The following SORCS2 variants were observed in gnomAD, a reference collection of about 807,000 sequenced individuals.
The protein encoded by SORCS2 is sortilin related VPS10 domain containing receptor 2, also known as VPS10 domain-containing receptor SorCS2.
In SORCS2, 100 loss-of-function variants were observed where a neutral mutation model predicts 141.6. The ratio of observed to expected loss-of-function variants is 0.71; its 90% CI spans 0.60 to 0.83. The LOEUF is 0.83. Ranked by LOEUF, SORCS2 falls within the 40% of genes least tolerant of loss-of-function variation. SORCS2 has a pLI of 0.00. For missense variants in SORCS2, 1,646 were observed against 1,560.2 expected (o/e 1.05, Z -0.93); for synonymous variants, 789 against 676.9 (o/e 1.17, Z -2.57).
intron 1 of SORCS2, among the ~76,000 whole-genome samples, chr4:7,363,086 C>G (rs574210169): frequency 1.6e-4 from 24 of 149,910 alleles, no homozygotes; most frequent in Non-Finnish European, 2.4e-4. Flanking sequence ...TCATCATCAT[C>G]ATCACCATCA....
At chr4:7,643,908 C>A (rs1217097450) in intron 4 of SORCS2, among the ~76,000 whole-genome samples, 1 of 152,140 alleles carries the variant, frequency 6.6e-6, no homozygotes, top group Non-Finnish European at 1.5e-5. Flanking sequence ...GACTTGAGAA[C>A]AGGGAAAAGA....
chr4:7,427,182 G>A (rs1726502703), intron 2 of SORCS2, among the ~76,000 whole-genome samples: 1 of 152,076 alleles, frequency 6.6e-6, no homozygotes, highest in Non-Finnish European at 1.5e-5. Context: ...ATCCATTGTG[G>A]GCACATGGAG....
chr4:7,525,380 A>G (rs1271942652), intron 2 of SORCS2, among the ~76,000 whole-genome samples: 1 of 152,102 alleles, frequency 6.6e-6, no homozygotes, highest in Non-Finnish European at 1.5e-5. Flanking sequence ...TGATGCCTCA[A>G]AGAAGAAAAC....
At chr4:7,308,647 A>G (rs1427561667) in intron 1 of SORCS2, among the ~76,000 whole-genome samples, 1 of 151,872 alleles carries the variant, frequency 6.6e-6, no homozygotes, top group Non-Finnish European at 1.5e-5. Flanking sequence ...CCCACTGGCC[A>G]CCCACAGCTC....
intron 1 of SORCS2, among the ~76,000 whole-genome samples, chr4:7,374,215 C>T (rs1447187333): frequency 6.8e-6 from 1 of 146,466 alleles, no homozygotes; most frequent in East Asian, 2.0e-4. Context: ...GAGAGACGTT[C>T]AATTGATCAG....
At position 7,192,841 on chromosome 4, in the gene SORCS2, C is replaced by A; in HGVS notation, c.195C>A (p.Thr65=). The A allele has an allele frequency of 9.6e-7, 1 of 1,043,836 alleles. No homozygotes were observed. 64.7% of individuals were successfully genotyped at this position (1,043,836 alleles called of 1,614,324 possible). Residue 65 remains threonine (T), a synonymous_variant, in exon 1 of 27, where the codon ACC becomes ACA. Coordinates refer to ENST00000507866, the MANE Select transcript of SORCS2 (RefSeq NM_020777.3). This position sits in a 1 kb window ranked among gnomAD's most constrained non-coding sequence, Gnocchi z 4.0. ...PGRLGPHAQL[T]RVPRSPPAGR... is the part of the protein sequence containing the mutation. The stretch of plus-strand genomic sequence containing the variant: ...GCCTGGGTCCTCACGCCCAACTGAC[C>A]CGGGTGCCGCGGAGCCCTCCCGCGG...
intron 1 of SORCS2, among the ~76,000 whole-genome samples, chr4:7,383,843 A>C (rs1256544220): frequency 1.3e-5 from 2 of 152,232 alleles, no homozygotes; most frequent in Non-Finnish European, 2.9e-5. Context: ...GGTTATGAGA[A>C]ATGGAGAGTA....
chr4:7,258,148 A>AT (rs1194902657), intron 1 of SORCS2, among the ~76,000 whole-genome samples: 2 of 152,150 alleles, frequency 1.3e-5, no homozygotes, highest in African/African-American at 4.8e-5. Context: ...TTTTTAAAAA[A>AT]ATTTTTTTTT....
chr4:7,397,326 G>T (rs1577498264), intron 2 of SORCS2, among the ~76,000 whole-genome samples: 3 of 152,116 alleles, frequency 2.0e-5, no homozygotes, highest in Non-Finnish European at 4.4e-5. Context: ...GTGGTAGAAG[G>T]AATGGCATCA....
At chr4:7,299,110 G>A (rs1231669949) in intron 1 of SORCS2, among the ~76,000 whole-genome samples, 1 of 152,248 alleles carries the variant, frequency 6.6e-6, no homozygotes, top group African/African-American at 2.4e-5. Flanking sequence ...GAGACAGGCT[G>A]GGGGAGGAAA....
intron 2 of SORCS2, among the ~76,000 whole-genome samples, chr4:7,422,390 G>A (rs1188003226): frequency 6.6e-6 from 1 of 152,188 alleles, no homozygotes; most frequent in Non-Finnish European, 1.5e-5. Context: ...GCCTGGGCAG[G>A]CCCCTCCCGT....
At chr4:7,203,647 A>T (rs1027365159) in intron 1 of SORCS2, among the ~76,000 whole-genome samples, 1 of 152,252 alleles carries the variant, frequency 6.6e-6, no homozygotes, top group Non-Finnish European at 1.5e-5. Context: ...TACTATTTTT[A>T]AAATTGTGGT....
At chr4:7,721,704 C>G (rs1726599153) in intron 18 of SORCS2, among the ~76,000 whole-genome samples, 1 of 152,088 alleles carries the variant, frequency 6.6e-6, no homozygotes, top group Non-Finnish European at 1.5e-5. Flanking sequence ...CAAAGGGCAC[C>G]CGGTGGGGTC....
At chr4:7,265,526 G>A (rs528880238) in intron 1 of SORCS2, among the ~76,000 whole-genome samples, 13 of 152,032 alleles carry the variant, frequency 8.6e-5, no homozygotes, top group East Asian at 5.8e-4. Flanking sequence ...GGCAGGGCTC[G>A]TTCCCCATGA....
chr4:7,504,217 C>A (rs569801222), intron 2 of SORCS2, among the ~76,000 whole-genome samples: 2 of 152,360 alleles, frequency 1.3e-5, no homozygotes, highest in East Asian at 3.9e-4. Flanking sequence ...AAGCCCTTTT[C>A]TCCTGTGCGT....
intron 2 of SORCS2, chr4:7,433,890 G>A: frequency 6.2e-7 from 1 of 1,613,930 alleles, no homozygotes; most frequent in Non-Finnish European, 8.5e-7. Flanking sequence ...TCGTGATAGA[G>A]GCAGGCATTA....
At chr4:7,328,400 G>A (rs1311583296) in intron 1 of SORCS2, among the ~76,000 whole-genome samples, 5 of 152,002 alleles carry the variant, frequency 3.3e-5, no homozygotes, top group Non-Finnish European at 7.4e-5. Context: ...GGCAGGAGCT[G>A]TGACCATTTC....
intron 21 of SORCS2, among the ~76,000 whole-genome samples, chr4:7,727,974 C>T (rs1044093117): frequency 2.6e-5 from 4 of 152,194 alleles, no homozygotes; most frequent in Non-Finnish European, 4.4e-5. Flanking sequence ...AGGGTGTGTT[C>T]ATGCTTGTGA....
At chr4:7,680,209 T>C (rs1723431819) in intron 9 of SORCS2, among the ~76,000 whole-genome samples, 1 of 152,188 alleles carries the variant, frequency 6.6e-6, no homozygotes, top group Admixed American at 6.5e-5. Flanking sequence ...TTGTCCGAAG[T>C]CTAGCACAGA....
Sources: gnomAD v4.1 joint callset for allele counts (sites outside exome capture counted in the v4.1 genomes callset) on GRCh38, gnomAD v4.1.1 for gene constraint, Gnocchi (gnomAD v3.1) non-coding constraint, MANE v1.5 for transcripts, NCBI Gene and HGNC (gene_info 2026-07-23, HGNC 2026-07-21) for gene names.